Variants in PDXDC1 observed in about 807,000 individuals in gnomAD.
The protein encoded by PDXDC1 is pyridoxal-dependent decarboxylase domain-containing protein 1.
PDXDC1 carries 42 observed loss-of-function variants against 100.1 expected under a neutral mutation model. The observed-to-expected ratio is 0.42, with a 90% CI of 0.33 to 0.54. The LOEUF is 0.54. Among genes scored for constraint, PDXDC1 ranks in the 20% least tolerant of loss-of-function variants. The pLI is 0.10. For synonymous variants in PDXDC1, 260 were observed against 371.7 expected (o/e 0.70, Z 3.46); for missense variants, 636 against 979.2 (o/e 0.65, Z 4.68).
intron 21 of PDXDC1, among the ~76,000 whole-genome samples, chr16:15,035,021 GT>G (rs2043317746): frequency 6.6e-6 from 1 of 152,206 alleles, no homozygotes. Flanking sequence ...GGTGTTAACA[GT>G]CCGTGACTCC....
Position 15,056,332 on chromosome 16 carries a change from G to C in PDXDC1, c.1399+26276G>C, listed in dbSNP as rs186147409. On this transcript the variant is annotated intron_variant, in intron 16 of 16. Coordinates refer to the PDXDC1 transcript ENST00000535621. ...CAGGGAGCAGCTGCACCAGCCAAGA[G>C]AGCCTCCGGGCGAGTTCCTGGGGCG... 1.2e-4 allele frequency among the ~76,000 whole-genome samples: 18 copies of C among 152,336 alleles called. 1 individual carries two copies. Among genetic ancestry groups the C allele is most frequent in the Admixed American group, 9.8e-4 (15 of 15,314 alleles).
downstream of PDXDC1, among the ~76,000 whole-genome samples, chr16:15,139,960 G>C (rs1471280650): frequency 6.6e-6 from 1 of 151,938 alleles, no homozygotes; most frequent in Non-Finnish European, 1.5e-5. Flanking sequence ...GGTGGGCGTG[G>C]TGGCGGGAGC....
intron 16 of PDXDC1, among the ~76,000 whole-genome samples, chr16:15,124,157 G>T (rs980671547): frequency 6.6e-6 from 1 of 152,170 alleles, no homozygotes; most frequent in Non-Finnish European, 1.5e-5. Flanking sequence ...CAGAGGGCTT[G>T]GCCGCATCAT....
intron 16 of PDXDC1, chr16:15,137,377 C>T: frequency 6.6e-7 from 1 of 1,518,300 alleles, no homozygotes; most frequent in Non-Finnish European, 8.8e-7. Flanking sequence ...CCGCCCCACA[C>T]AGGCACCAGC....
At chr16:15,128,572 G>A (rs1443875842) in intron 16 of PDXDC1, among the ~76,000 whole-genome samples, 1 of 152,140 alleles carries the variant, frequency 6.6e-6, no homozygotes, top group Non-Finnish European at 1.5e-5. Context: ...TAAACAGCAG[G>A]ACCTCAAGGA....
intron 7 of PDXDC1, 129 bp downstream of exon 7, chr16:15,008,976 G>A (rs1476075120): frequency 3.2e-6 from 3 of 931,646 alleles, no homozygotes; most frequent in South Asian, 3.0e-5. Context: ...TCCTTACATT[G>A]TGTAATATAT....
chr16:15,033,224 T>C, intron 18 of PDXDC1, 54 bp from the exon 19 acceptor site: 1 of 1,604,396 alleles, frequency 6.2e-7, no homozygotes, highest in Non-Finnish European at 8.5e-7. Flanking sequence ...TAGGTCCACG[T>C]CTCACCCATG....
intron 16 of PDXDC1, among the ~76,000 whole-genome samples, chr16:15,097,978 G>C (rs1249793981): frequency 2.6e-4 from 27 of 105,546 alleles, no homozygotes; most frequent in African/African-American, 1.0e-3. Flanking sequence ...GTCTCCCTCT[G>C]TTGCCCAGGC....
chr16:15,077,625 A>G (rs2045517904), intron 16 of PDXDC1, among the ~76,000 whole-genome samples: 1 of 152,156 alleles, frequency 6.6e-6, no homozygotes, highest in Non-Finnish European at 1.5e-5. Context: ...ACGGATCATG[A>G]GGTCAGGAGA....
chr16:15,139,957 G>C (rs138180628), downstream of PDXDC1, among the ~76,000 whole-genome samples: 2 of 151,898 alleles, frequency 1.3e-5, no homozygotes, highest in Admixed American at 1.3e-4. Context: ...TTAGGTGGGC[G>C]TGGTGGCGGG....
At chr16:15,043,249 T>C (rs553486439), downstream of PDXDC1, among the ~76,000 whole-genome samples, 1 of 152,110 alleles carries the variant, frequency 6.6e-6, no homozygotes, top group African/African-American at 2.4e-5. Context: ...TTGCCCAGGC[T>C]GGTGTCGAAC....
chr16:15,081,123 C>G (rs1010160183), intron 16 of PDXDC1, among the ~76,000 whole-genome samples: 1 of 152,182 alleles, frequency 6.6e-6, no homozygotes, highest in South Asian at 2.1e-4. Context: ...CATCAGTTGA[C>G]AGACATTTGA....
chr16:15,088,910 G>A (rs1209944094), intron 16 of PDXDC1, among the ~76,000 whole-genome samples: 1 of 151,924 alleles, frequency 6.6e-6, no homozygotes, highest in African/African-American at 2.4e-5. Flanking sequence ...GAGAGAACCA[G>A]GGAAAGCTCC....
intron 1 of PDXDC1, among the ~76,000 whole-genome samples, chr16:14,991,286 TG>T (rs1970749153): frequency 6.8e-6 from 1 of 146,448 alleles, no homozygotes; most frequent in Non-Finnish European, 1.5e-5. Flanking sequence ...TGTGTGTGTG[TG>T]TGTGTGTGTG....
At chr16:15,054,049 T>G (rs967897102) in intron 16 of PDXDC1, among the ~76,000 whole-genome samples, 1 of 152,188 alleles carries the variant, frequency 6.6e-6, no homozygotes, top group Non-Finnish European at 1.5e-5. Context: ...AAGGTTACTT[T>G]CCATGCTTCC....
At chr16:15,091,103 C>T (rs1436688568) in intron 16 of PDXDC1, among the ~76,000 whole-genome samples, 2 of 152,032 alleles carry the variant, frequency 1.3e-5, no homozygotes, top group Non-Finnish European at 2.9e-5. Context: ...GCCAGTAGCA[C>T]CCTTTCCTCC....
chr16:15,093,457 CT>C (rs1423777159), intron 16 of PDXDC1, among the ~76,000 whole-genome samples: 1 of 152,170 alleles, frequency 6.6e-6, no homozygotes, highest in Admixed American at 6.5e-5. Flanking sequence ...TATGTACTGC[CT>C]TTCCCCCCTA....
At chr16:15,080,049 G>T (rs1395468247) in intron 16 of PDXDC1, 1 of 1,602,726 alleles carries the variant, frequency 6.2e-7, no homozygotes, top group Non-Finnish European at 8.5e-7. Context: ...CATGCCTCAA[G>T]GTTGGAAAAT....
chr16:15,001,358 G>A (rs1382559595), intron 3 of PDXDC1, among the ~76,000 whole-genome samples: 3 of 152,230 alleles, frequency 2.0e-5, no homozygotes, highest in African/African-American at 4.8e-5. Context: ...GCGTGGTGGC[G>A]CAAGCTTGTA....
Sources: allele counts gnomAD v4.1 joint callset (sites outside exome capture counted in the v4.1 genomes callset), GRCh38; gene constraint gnomAD v4.1.1; transcripts MANE v1.5; gene names NCBI Gene and HGNC (gene_info 2026-07-23, HGNC 2026-07-21).